Variants in COL4A3 observed in about 807,000 individuals in gnomAD.
COL4A3 encodes collagen alpha-3(IV) chain.
COL4A3 carries 135 observed loss-of-function variants against 217.4 expected under a neutral mutation model. The ratio of observed to expected loss-of-function variants is 0.62; its 90% CI spans 0.54 to 0.72. The LOEUF is 0.72. Ranked by LOEUF, COL4A3 falls within the 30% of genes least tolerant of loss-of-function variation. The pLI is 0.00. For synonymous variants in COL4A3, 690 were observed against 736.3 expected (o/e 0.94, Z 1.02); for missense variants, 1,868 against 2,119.9 (o/e 0.88, Z 2.33).
intron 25 of COL4A3, among the ~76,000 whole-genome samples, chr2:227,271,291 G>A (rs575219720): frequency 7.2e-5 from 11 of 152,128 alleles, no homozygotes; most frequent in African/African-American, 2.2e-4. Context: ...ATTTTGGGGC[G>A]ATGTCCATAT....
intron 1 of COL4A3, among the ~76,000 whole-genome samples, chr2:227,204,170 G>T (rs1265179233): frequency 6.6e-6 from 1 of 152,088 alleles, no homozygotes; most frequent in Non-Finnish European, 1.5e-5. Context: ...TACTAGCCGG[G>T]TGACTTTAAG....
intron 26 of COL4A3, among the ~76,000 whole-genome samples, chr2:227,273,652 A>G (rs2071375534): frequency 6.6e-6 from 1 of 152,050 alleles, no homozygotes; most frequent in African/African-American, 2.4e-5. Context: ...ACCCCAAACA[A>G]TCCTTGCTTC....
chr2:227,284,016 G>A, intron 33 of COL4A3, among the ~76,000 whole-genome samples, 160 bp downstream of exon 33: 1 of 152,204 alleles, frequency 6.6e-6, no homozygotes, highest in East Asian at 1.9e-4. Context: ...CATTTGAATG[G>A]AATCCTGTTT....
chr2:227,169,552 G>T (rs1323793431), intron 1 of COL4A3, among the ~76,000 whole-genome samples: 1 of 152,006 alleles, frequency 6.6e-6, no homozygotes, highest in East Asian at 1.9e-4. Context: ...TCCAGCACCT[G>T]TTGTTTCCTG....
At chr2:227,310,652 C>A in intron 50 of COL4A3, 124 bp from the exon 51 acceptor site, 1 of 809,146 alleles carries the variant, frequency 1.2e-6, no homozygotes, top group Non-Finnish European at 2.1e-6. Flanking sequence ...TGTAGCATCG[C>A]TCATGATCAT....
At chr2:227,215,512 G>T (rs1295119757) in intron 1 of COL4A3, among the ~76,000 whole-genome samples, 2 of 152,146 alleles carry the variant, frequency 1.3e-5, no homozygotes, top group Admixed American at 1.3e-4. Context: ...AGGCTGGAGT[G>T]TGGTGGCATG....
At chr2:227,226,413 C>T (rs969171118) in intron 1 of COL4A3, among the ~76,000 whole-genome samples, 10 of 151,814 alleles carry the variant, frequency 6.6e-5, no homozygotes, top group Non-Finnish European at 1.0e-4. Flanking sequence ...AGGTAGAAGA[C>T]CATCTCTCAC....
intron 20 of COL4A3, 34 bp downstream of exon 20, chr2:227,261,151 T>C: frequency 1.3e-6 from 2 of 1,575,066 alleles, no homozygotes; most frequent in Non-Finnish European, 1.7e-6. Flanking sequence ...CAAATAGAAA[T>C]GCTATTACAA....
At chr2:227,229,786 C>T (rs572777396) in intron 1 of COL4A3, among the ~76,000 whole-genome samples, 11 of 152,202 alleles carry the variant, frequency 7.2e-5, no homozygotes, top group African/African-American at 2.4e-4. Context: ...CGGTGGCTCA[C>T]GCCTGTAATC....
chr2:227,201,685 CT>C (rs1381483172), intron 1 of COL4A3, among the ~76,000 whole-genome samples: 7 of 152,164 alleles, frequency 4.6e-5, no homozygotes, highest in African/African-American at 1.7e-4. Flanking sequence ...CTACCAAATC[CT>C]TTTCAACTGT....
chr2:227,211,458 T>G (rs1479726336), intron 1 of COL4A3, among the ~76,000 whole-genome samples: 1 of 152,204 alleles, frequency 6.6e-6, no homozygotes, highest in Non-Finnish European at 1.5e-5. Context: ...TTTGTCCTGA[T>G]GCAAGTATGT....
chr2:227,204,245 G>A (rs1407890876), intron 1 of COL4A3, among the ~76,000 whole-genome samples: 5 of 152,248 alleles, frequency 3.3e-5, no homozygotes, highest in East Asian at 3.9e-4. Flanking sequence ...GATTAAATAA[G>A]TTATTAGAAA....
chr2:227,297,616 G>A, intron 41 of COL4A3, 58 bp from the exon 42 acceptor site: 3 of 1,519,602 alleles, frequency 2.0e-6, no homozygotes, highest in East Asian at 2.3e-5. Flanking sequence ...AGATAGTCAA[G>A]AACTCTAACC....
At position 227,175,467 on chromosome 2, in the gene COL4A3, T is replaced by A. The variant is rs540568149; in HGVS notation, c.87+10654T>A. 5.9e-5 allele frequency among the ~76,000 whole-genome samples: 9 copies of A among 152,164 alleles called. No individual in the cohort carries two copies. The East Asian group carries it at 1.7e-3, about 29-fold the overall frequency. On this transcript the variant is annotated intron_variant, in intron 1 of 51. Coordinates refer to ENST00000396578, the MANE Select transcript of COL4A3 (RefSeq NM_000091.5). ...GCCTAGGTGACAGAGCAAGACTCCA[T>A]CTCAAAAAATGAAATAAAAAAAACC...
intron 1 of COL4A3, among the ~76,000 whole-genome samples, chr2:227,224,073 C>G (rs913662061): frequency 6.6e-6 from 1 of 152,168 alleles, no homozygotes; most frequent in Non-Finnish European, 1.5e-5. Flanking sequence ...GAAGTTTGCA[C>G]GCAATCGCTC....
rs200125890 is a variant in COL4A3 at position 227,293,208 on chromosome 2, G to C, written c.3228G>C (p.Pro1076=). 1 of 1,613,954 alleles carries C rather than the reference G, an allele frequency of 6.2e-7. No individual in the cohort carries two copies. The highest frequency in any genetic ancestry group is 8.5e-7 in the Non-Finnish European group (1 of 1,180,030). The change falls in exon 38 of 52, where the codon CCG becomes CCC. Residue 1076 remains proline, a synonymous_variant. Coordinates refer to ENST00000396578, the MANE Select transcript of COL4A3 (RefSeq NM_000091.5). ...PPGPTGDPGL[P]GDMGKKGEMG... is the part of the protein sequence containing the mutation. ...CATTTAAGGGGGATCCAGGACTGCC[G>C]GGTGATATGGGAAAGAAAGGAGAAA...
intron 43 of COL4A3, 121 bp downstream of exon 43, chr2:227,298,933 T>C (rs1336029865): frequency 4.1e-6 from 4 of 979,706 alleles, no homozygotes; most frequent in Non-Finnish European, 6.0e-6. Flanking sequence ...CTCATGATGT[T>C]AATAAAGACA....
intron 1 of COL4A3, among the ~76,000 whole-genome samples, chr2:227,195,634 T>G (rs903999943): frequency 6.6e-6 from 1 of 150,748 alleles, no homozygotes; most frequent in East Asian, 2.0e-4. Flanking sequence ...CTTTTTATTA[T>G]TATTTTAGAG....
intron 1 of COL4A3, among the ~76,000 whole-genome samples, chr2:227,183,555 G>A (rs892192212): frequency 1.1e-4 from 16 of 152,142 alleles, no homozygotes; most frequent in Non-Finnish European, 1.8e-4. Context: ...ACAGGTAGAA[G>A]ATTGACTCAA....
Sources: allele counts gnomAD v4.1 joint callset (sites outside exome capture counted in the v4.1 genomes callset), GRCh38; gene constraint gnomAD v4.1.1; transcripts MANE v1.5; gene names NCBI Gene and HGNC (gene_info 2026-07-23, HGNC 2026-07-21).